DDHD1: variants seen among roughly 807,000 people sequenced by gnomAD.
The protein encoded by DDHD1 is phospholipase DDHD1.
Under a neutral mutation model 96.4 loss-of-function variants are expected in DDHD1, and 49 were observed. That is an observed-to-expected ratio of 0.51 (90% confidence interval 0.40 to 0.64). The LOEUF (loss-of-function observed/expected upper bound fraction) is 0.64. Ranked by LOEUF, DDHD1 falls within the 30% of genes least tolerant of loss-of-function variation. The probability of loss-of-function intolerance (pLI) is 0.00; values close to 1 mark genes in which losing one functional copy is unlikely to be tolerated. For synonymous variants in DDHD1, 442 were observed against 446.5 expected, an observed-to-expected ratio of 0.99 and a Z score of 0.13; for missense variants, 1,106 against 1,161.2, an observed-to-expected ratio of 0.95 and a Z score of 0.69.
chr14:53,057,025 T>C (rs1454346495), intron 9 of DDHD1, among the ~76,000 whole-genome samples: 4 of 152,338 alleles, frequency 2.6e-5, no homozygotes, highest in Non-Finnish European at 5.9e-5. Flanking sequence ...AATATTATCA[T>C]CTACATCATA....
At position 53,151,205 on chromosome 14, in the gene DDHD1, T is replaced by A. The variant is rs534612602; in HGVS notation, c.838+1056A>T. 3.7e-4 allele frequency among the ~76,000 whole-genome samples: 56 copies of A among 152,346 alleles called. No individual in the cohort carries two copies. In the South Asian group the frequency reaches 0.011, roughly 31 times the overall value. On this transcript the variant is annotated intron_variant, in intron 1 of 12. Coordinates refer to ENST00000673822, the MANE Select transcript of DDHD1 (RefSeq NM_001160148.2). ...GTCCTAACATACAGAAAGGAAGCTG[T>A]CATCAATCCATCTAATAGAGGGCAG...
At chr14:53,075,622 A>G (rs1329736640) in intron 4 of DDHD1, among the ~76,000 whole-genome samples, 1 of 152,206 alleles carries the variant, frequency 6.6e-6, no homozygotes, top group African/African-American at 2.4e-5. Context: ...GAAGGTTGCT[A>G]CACTAAACAA....
intron 1 of DDHD1, among the ~76,000 whole-genome samples, chr14:53,125,601 T>A (rs1224752863): frequency 6.6e-6 from 1 of 152,214 alleles, no homozygotes; most frequent in East Asian, 1.9e-4. Flanking sequence ...CAAACTTTTC[T>A]ATTTTCTCTT....
At chr14:53,124,249 T>TTATATATATATATATATATATATATATA (rs35996453) in intron 1 of DDHD1, among the ~76,000 whole-genome samples, 58 of 146,486 alleles carry the variant, frequency 4.0e-4, no homozygotes, top group African/African-American at 1.5e-3. Context: ...AAAAAAAAAA[T>TTATATATATATATATATATATATATATA]TATATATATA....
At chr14:53,057,700 C>A (rs1035837775) in intron 9 of DDHD1, among the ~76,000 whole-genome samples, 3 of 152,206 alleles carry the variant, frequency 2.0e-5, no homozygotes, top group Non-Finnish European at 4.4e-5. Context: ...AATATTTTTA[C>A]ATTACACTCT....
chr14:53,123,726 T>C (rs970071825), intron 1 of DDHD1, among the ~76,000 whole-genome samples: 3 of 152,134 alleles, frequency 2.0e-5, no homozygotes, highest in East Asian at 1.9e-4. Context: ...TAATAATGCA[T>C]GGAAATAAAC....
rs576283488 is a variant in DDHD1, at chr14:53,132,612, T to C, written c.838+19649A>G. On this transcript the variant is annotated intron_variant, in intron 1 of 12. Coordinates refer to ENST00000673822, the MANE Select transcript of DDHD1 (RefSeq NM_001160148.2). ...ACTGTGCGTCAATATTTATGTTGAC[T>C]CTAAATATGCCTTCCATATCCTGCA... Among the ~76,000 whole-genome samples the C allele has an allele frequency of 4.5e-4, 69 of 152,362 alleles. No homozygotes were observed. The Middle Eastern group carries it at 0.01, about 23-fold the overall frequency.
rs149894317 is a variant in DDHD1 at position 53,041,507 on chromosome 14, G to A, written c.*5261C>T. The A allele has an allele frequency of 4.6e-5, 7 of 152,230 alleles. No homozygotes were observed. Among genetic ancestry groups the A allele is most frequent in the African/African-American group, 1.7e-4 (7 of 41,540 alleles). 9.4% of individuals were successfully genotyped at this position (152,230 alleles called of 1,614,324 possible). On this transcript the variant is annotated 3_prime_UTR_variant, in exon 13 of 13. Coordinates refer to ENST00000673822, the MANE Select transcript of DDHD1 (RefSeq NM_001160148.2). ...AGTTAACCTATGTTGGAACAGTTTT[G>A]GAGGTGACCTATTTGTCATGAATTG...
Position 53,152,951 on chromosome 14 carries a change from C to G in DDHD1, c.148G>C (p.Asp50His). Residue 50 changes from aspartate (D) to histidine (H), a missense_variant, in exon 1 of 13, where the codon GAC becomes CAC. By Grantham distance (81) the Asp-to-His change is moderately conservative. Coordinates refer to ENST00000673822, the MANE Select transcript of DDHD1 (RefSeq NM_001160148.2). Reference sequence around the variant, plus strand: ...AGGGCCAGGGGCACGTCGCCGTCGTCCGGGTCCCCGCCGGGCAGGTGCTCG... The same window carrying G: ...AGGGCCAGGGGCACGTCGCCGTCGTGCGGGTCCCCGCCGGGCAGGTGCTCG... ...CFEHLPGGDP[D>H]DGDVPLALLR... The G allele has an allele frequency of 1.3e-6, 2 of 1,592,204 alleles. No individual in the cohort carries two copies. Among genetic ancestry groups the G allele is most frequent in the South Asian group, 1.1e-5 (1 of 88,614 alleles).
intron 2 of DDHD1, among the ~76,000 whole-genome samples, chr14:53,099,633 T>A (rs1887150277): frequency 6.6e-6 from 1 of 152,232 alleles, no homozygotes; most frequent in Non-Finnish European, 1.5e-5. Flanking sequence ...ATCAATAAGA[T>A]GTAAAATGAG....
chr14:53,133,652 C>A (rs1890031943), intron 1 of DDHD1, among the ~76,000 whole-genome samples: 2 of 152,168 alleles, frequency 1.3e-5, no homozygotes, highest in Non-Finnish European at 2.9e-5. Context: ...CTACAGGGTA[C>A]AGCCCATTTG....
In DDHD1 at chr14:53,041,652, A is replaced by C. The variant is rs1204650345; in HGVS notation, c.*5116T>G. On this transcript the variant is annotated 3_prime_UTR_variant, in exon 13 of 13. Transcript: ENST00000673822. ...AGAAAACTAACAAAATATTTCCTGGATATCTTATTTTTTTCTTGATTTTCT... is the reference window on the plus strand; with the variant it reads ...AGAAAACTAACAAAATATTTCCTGGCTATCTTATTTTTTTCTTGATTTTCT... 2 of 152,068 alleles carry C rather than the reference A, an allele frequency of 1.3e-5. No individual in the cohort carries two copies. Among genetic ancestry groups the C allele is most frequent in the African/African-American group, 2.4e-5 (1 of 41,404 alleles). 9.4% of individuals were successfully genotyped at this position (152,068 alleles called of 1,614,324 possible). A position where few individuals can be genotyped will look rare whatever the true frequency, so the allele number is the denominator to read the frequency against.
chr14:53,110,285 A>C (rs1888008224), intron 1 of DDHD1, among the ~76,000 whole-genome samples: 1 of 152,218 alleles, frequency 6.6e-6, no homozygotes. Context: ...TAAACTCAGT[A>C]TCCCTAGTTT....
intron 1 of DDHD1, among the ~76,000 whole-genome samples, chr14:53,151,783 C>G (rs1891394390): frequency 2.0e-5 from 3 of 152,216 alleles, no homozygotes; most frequent in African/African-American, 7.2e-5. Flanking sequence ...TCTCCTTTCC[C>G]TCCAGGGATT....
chr14:53,108,105 C>A (rs1253356729), intron 1 of DDHD1, among the ~76,000 whole-genome samples: 1 of 152,154 alleles, frequency 6.6e-6, no homozygotes, highest in Non-Finnish European at 1.5e-5. Context: ...TGTTACGGCT[C>A]GAGCTGAGCT....
At chr14:53,146,836 T>A (rs997471462) in intron 1 of DDHD1, among the ~76,000 whole-genome samples, 3 of 152,106 alleles carry the variant, frequency 2.0e-5, no homozygotes, top group Admixed American at 1.3e-4. Context: ...TATAAAAAAA[T>A]TTTTCCTTGT....
chr14:53,152,437 G>A lies in DDHD1; in HGVS notation c.662C>T (p.Pro221Leu). 6.2e-7 allele frequency: 1 copy of A among 1,613,574 alleles called. No homozygotes were observed. The highest frequency in any genetic ancestry group is 1.1e-5 in the South Asian group (1 of 91,062). Residue 221 changes from proline (P) to leucine (L), a missense_variant, in exon 1 of 13, where the codon CCA becomes CTA. Coordinates refer to ENST00000673822, the MANE Select transcript of DDHD1 (RefSeq NM_001160148.2). ...GTCATCTTCTCCGGAACTGGAGGCT[G>A]GGCCCGTGGGGGAGCACACATGGTC... ...DGDHVCSPTG[P>L]ASSSGEDDDE...
intron 4 of DDHD1, among the ~76,000 whole-genome samples, chr14:53,085,633 C>G (rs1285470230): frequency 6.6e-6 from 1 of 152,086 alleles, no homozygotes; most frequent in Non-Finnish European, 1.5e-5. Context: ...ACACCAAAAC[C>G]CCATCTGTAC....
rs1173445982 is a variant in DDHD1, at chr14:53,152,335, T to C, written c.764A>G (p.Glu255Gly). 8.1e-6 allele frequency: 13 copies of C among 1,613,868 alleles called. No individual in the cohort carries two copies. Among genetic ancestry groups the C allele is most frequent in the Non-Finnish European group, 1.1e-5 (13 of 1,179,962 alleles). Residue 255 changes from glutamate to glycine, a missense_variant, in exon 1 of 13, where the codon GAG (glutamate) becomes GGG (glycine). Glu to Gly is a moderately conservative substitution (Grantham distance 98, BLOSUM62 -2). This residue lies in a region of DDHD1 where 456 missense variants were observed against 402.4 expected (regional missense o/e 1.13). Coordinates refer to ENST00000673822, the MANE Select transcript of DDHD1 (RefSeq NM_001160148.2). ...GAGGCCGCCCCGCACGCACACAGGC[T>C]CGATGTTCACAAGCTCCACCATCTC... ...EPEMVELVNI[E>G]PVCVRGGLYE...
Sources: allele counts gnomAD v4.1 joint callset (sites outside exome capture counted in the v4.1 genomes callset), GRCh38; gene constraint gnomAD v4.1.1; regional missense constraint gnomAD v4.1.1; transcripts MANE v1.5; gene names NCBI Gene and HGNC (gene_info 2026-07-23, HGNC 2026-07-21).